CCDC152: variants seen among roughly 807,000 people sequenced by gnomAD.
The protein encoded by CCDC152 is coiled-coil domain containing 152.
In CCDC152, 37 loss-of-function variants were observed where a neutral mutation model predicts 38.1. The observed-to-expected ratio is 0.97, with a 90% confidence interval of 0.75 to 1.28. The LOEUF (loss-of-function observed/expected upper bound fraction) is 1.28. Ranked by LOEUF, CCDC152 falls within the 50% of genes most tolerant of loss-of-function variation. The probability of loss-of-function intolerance (pLI) is 0.00; values close to 1 mark genes in which losing one functional copy is unlikely to be tolerated. For missense variants in CCDC152, 259 were observed against 292.1 expected (o/e 0.89, Z 0.83); for synonymous variants, 83 against 87.1 (o/e 0.95, Z 0.26).
intron 4 of CCDC152, among the ~76,000 whole-genome samples, chr5:42,769,930 C>G (rs1759675090): frequency 6.6e-6 from 1 of 152,194 alleles, no homozygotes. Flanking sequence ...ATTTAGAACT[C>G]TATTTATTCT....
At chr5:42,790,316 A>T (rs1759982207) in intron 6 of CCDC152, among the ~76,000 whole-genome samples, 1 of 152,210 alleles carries the variant, frequency 6.6e-6, no homozygotes, top group African/African-American at 2.4e-5. Flanking sequence ...AAAGATACTC[A>T]ACATAATTAG....
chr5:42,762,732 A>C (rs1199409578), intron 3 of CCDC152, among the ~76,000 whole-genome samples, 184 bp downstream of exon 3: 2 of 152,208 alleles, frequency 1.3e-5, no homozygotes, highest in Non-Finnish European at 2.9e-5. Flanking sequence ...TTATTACTCT[A>C]CCTCACCAAT....
At position 42,802,256 on chromosome 5, in the gene CCDC152, C is replaced by G. The variant is rs1226452107; in HGVS notation, c.*2475C>G. 4 of 152,096 alleles carry G rather than the reference C, an allele frequency of 2.6e-5. No individual in the cohort carries two copies. Among genetic ancestry groups the G allele is most frequent in the African/African-American group, 9.7e-5 (4 of 41,420 alleles). The allele number at this position is 152,096 out of a possible 1,614,324, so 9.4% of individuals were successfully genotyped here. A position where few individuals can be genotyped will look rare whatever the true frequency, so the allele number is the denominator to read the frequency against. On this transcript the variant is annotated 3_prime_UTR_variant, in exon 9 of 9. Transcript: ENST00000361970. ...TGGAAGTCTTTACTGTTTTGTGGTA[C>G]CTACTAATCAGAGACTCAAAGCCTA...
At chr5:42,783,995 A>G (rs897680618) in intron 6 of CCDC152, among the ~76,000 whole-genome samples, 4 of 152,146 alleles carry the variant, frequency 2.6e-5, no homozygotes, top group African/African-American at 7.2e-5. Context: ...TCCATCATTG[A>G]TGTGCACTTA....
chr5:42,762,621 C>A, intron 3 of CCDC152, 73 bp downstream of exon 3: 1 of 787,278 alleles, frequency 1.3e-6, no homozygotes, highest in Non-Finnish European at 2.1e-6. Context: ...ATTAATATTA[C>A]ACCATATATT....
rs1410564981 is a variant in CCDC152, at chr5:42,783,536, G to A, written c.390G>A (p.Lys130=). Residue 130 remains lysine, a synonymous_variant, in exon 6 of 9, where the codon AAG becomes AAA. Transcript: ENST00000361970. ...SEMKIKEEGY[K]KEISKLYQDM... ...TGAAAATCAAAGAGGAGGGATATAA[G>A]AAAGAAATAAGCAAACTTTATCAGG... 2.9e-6 allele frequency: 4 copies of A among 1,393,778 alleles called. No individual in the cohort carries two copies. The East Asian group carries it at 8.9e-5, about 31-fold the overall frequency. The allele number at this position is 1,393,778 out of a possible 1,614,324, so 86.3% of individuals were successfully genotyped here. A position where few individuals can be genotyped will look rare whatever the true frequency, so the allele number is the denominator to read the frequency against.
intron 4 of CCDC152, among the ~76,000 whole-genome samples, chr5:42,771,631 A>AT (rs1759700279): frequency 6.6e-6 from 1 of 152,182 alleles, no homozygotes; most frequent in Non-Finnish European, 1.5e-5. Flanking sequence ...ATAAGGGACT[A>AT]TTAAGAGCAA....
intron 8 of CCDC152, 27 bp downstream of exon 8, chr5:42,799,485 G>T: frequency 1.4e-6 from 2 of 1,401,170 alleles, no homozygotes; most frequent in Non-Finnish European, 1.9e-6. Context: ...CTCAGTATTT[G>T]TTGCTTAAGA....
intron 5 of CCDC152, among the ~76,000 whole-genome samples, chr5:42,781,082 T>A (rs1040703993): frequency 2.6e-5 from 4 of 152,172 alleles, no homozygotes; most frequent in African/African-American, 9.7e-5. Flanking sequence ...CCGAATTAAC[T>A]GGCAGCATTC....
chr5:42,778,690 T>C (rs2111561783), intron 4 of CCDC152, among the ~76,000 whole-genome samples: 1 of 152,312 alleles, frequency 6.6e-6, no homozygotes, highest in Non-Finnish European at 1.5e-5. Context: ...GCTTCCTTTT[T>C]TCCATACTGC....
chr5:42,799,500 T>C (rs1221376615), intron 8 of CCDC152, 42 bp downstream of exon 8: 1 of 1,316,578 alleles, frequency 7.6e-7, no homozygotes, highest in Admixed American at 2.5e-5. Context: ...TTAAGAAAAC[T>C]TTCTAAGCAT....
At chr5:42,792,966 A>G (rs1008694470) in intron 6 of CCDC152, among the ~76,000 whole-genome samples, 4 of 152,204 alleles carry the variant, frequency 2.6e-5, no homozygotes, top group Non-Finnish European at 5.9e-5. Context: ...CCCAAGAGGA[A>G]TGAAAGCATA....
In CCDC152 at chr5:42,783,419, G is replaced by A. The variant is rs1040566310; in HGVS notation, c.328-55G>A. ...GAGAATTTCACCTTTCTAGGAATCA[G>A]AAGTTATATACACATATTTAAATTT... On this transcript the variant is annotated intron_variant, in intron 5 of 8. Transcript: ENST00000361970. 3 of 661,288 alleles carry A rather than the reference G, an allele frequency of 4.5e-6. No homozygotes were observed. In the East Asian group the frequency reaches 1.9e-4, roughly 42 times the overall value. 41.0% of individuals were successfully genotyped at this position (661,288 alleles called of 1,614,324 possible).
At chr5:42,773,387 A>G (rs941197030) in intron 4 of CCDC152, among the ~76,000 whole-genome samples, 1 of 152,184 alleles carries the variant, frequency 6.6e-6, no homozygotes, top group African/African-American at 2.4e-5. Context: ...CAAAAATTTA[A>G]TAACTGGGAT....
intron 5 of CCDC152, among the ~76,000 whole-genome samples, chr5:42,780,210 A>C (rs148419054): frequency 4.6e-5 from 7 of 152,280 alleles, no homozygotes; most frequent in African/African-American, 1.7e-4. Context: ...AATCTATAGG[A>C]GCTTTCAACT....
chr5:42,797,153 C>G (rs1760087116), intron 7 of CCDC152, among the ~76,000 whole-genome samples, 197 bp downstream of exon 7: 1 of 152,234 alleles, frequency 6.6e-6, no homozygotes, highest in South Asian at 2.1e-4. Context: ...CCTTTCAGCA[C>G]TTGACCTGAA....
intron 1 of CCDC152, among the ~76,000 whole-genome samples, chr5:42,758,751 A>G (rs1201944618): frequency 6.6e-6 from 1 of 152,242 alleles, no homozygotes; most frequent in Non-Finnish European, 1.5e-5. Flanking sequence ...CAAACAAAAT[A>G]TAAGAAATAA....
intron 6 of CCDC152, among the ~76,000 whole-genome samples, chr5:42,796,088 T>G (rs1313070612): frequency 1.3e-5 from 2 of 149,834 alleles, no homozygotes; most frequent in East Asian, 2.0e-4. Flanking sequence ...TGGGGACTGT[T>G]GTGGGGTGGG....
chr5:42,775,853 G>A (rs1759761905), intron 4 of CCDC152, among the ~76,000 whole-genome samples: 1 of 151,172 alleles, frequency 6.6e-6, no homozygotes, highest in Non-Finnish European at 1.5e-5. Flanking sequence ...GCGGTATAAT[G>A]GATTTGAAAG....
Sources: gnomAD v4.1 joint callset for allele counts (sites outside exome capture counted in the v4.1 genomes callset) on GRCh38, gnomAD v4.1.1 for gene constraint, MANE v1.5 for transcripts, NCBI Gene and HGNC (gene_info 2026-07-23, HGNC 2026-07-21) for gene names.